Variants in TNK2 observed in about 807,000 individuals in gnomAD.
The protein encoded by TNK2 is activated CDC42 kinase 1.
TNK2 carries 83 observed loss-of-function variants against 101.8 expected under a neutral mutation model. That is an observed-to-expected ratio of 0.82 (90% confidence interval 0.68 to 0.98). The LOEUF (loss-of-function observed/expected upper bound fraction) is 0.98, where lower values mean the gene tolerates loss of function less well. TNK2 is among the 50% of genes least tolerant of loss of function. The pLI is 0.00. For synonymous variants in TNK2, 804 were observed against 633.0 expected (o/e 1.27, Z -4.06); for missense variants, 1,665 against 1,483.2 (o/e 1.12, Z -2.01).
rs1577121530 is a variant in TNK2, at chr3:195,902,169, C to T, written c.-19+6316G>A. 3.3e-5 allele frequency among the ~76,000 whole-genome samples: 5 copies of T among 152,218 alleles called. No homozygotes were observed. The East Asian group carries it at 5.8e-4, about 18-fold the overall frequency. On this transcript the variant is annotated intron_variant, in intron 1 of 15. Transcript: ENST00000672887. ...GGGCTGGTGGCAGTTGAGAGCTGAC[C>T]CAAGAAAATCACAAATCCCAGCGTG...
At chr3:195,891,844 C>T (rs543262319) in intron 1 of TNK2, 2 of 903,208 alleles carry the variant, frequency 2.2e-6, no homozygotes, top group Non-Finnish European at 2.7e-6. Flanking sequence ...CCAGAGGCCC[C>T]TCCCCTGAAG....
chr3:195,886,808 A>C lies in TNK2; in HGVS notation c.234+169T>G, dbSNP rs1337922797. Among the ~76,000 whole-genome samples, 4 of 152,172 alleles carry C rather than the reference A, an allele frequency of 2.6e-5. No homozygotes were observed. The East Asian group carries it at 7.7e-4, about 29-fold the overall frequency. ...GACAGACACTTAGCCCAGCAGCTCTACAAGTGCCCTGCCCGATAAGACCCT... is the reference window on the plus strand; with the variant it reads ...GACAGACACTTAGCCCAGCAGCTCTCCAAGTGCCCTGCCCGATAAGACCCT... On this transcript the variant is annotated intron_variant, in intron 3 of 15. Coordinates refer to ENST00000672887, the MANE Select transcript of TNK2 (RefSeq NM_001382273.1). The surrounding 1 kb of genome is among the most constrained non-coding windows in gnomAD (Gnocchi z 4.2).
intron 9 of TNK2, among the ~76,000 whole-genome samples, chr3:195,875,110 G>A (rs1357434153): frequency 3.2e-4 from 1 of 3,078 alleles, no homozygotes. Flanking sequence ...GGCACAAGAA[G>A]CTCCCCTCGG....
At chr3:195,868,953 G>A (rs374851973) in intron 12 of TNK2, 41 of 545,890 alleles carry the variant, frequency 7.5e-5, no homozygotes, top group East Asian at 4.5e-4. Flanking sequence ...GCCTCGCTCC[G>A]TCTAAGCTGC....
chr3:195,869,040 C>A (rs112907281), intron 12 of TNK2: 2 of 452,016 alleles, frequency 4.4e-6, no homozygotes, highest in African/African-American at 2.0e-5. Flanking sequence ...TGCGCCCTGG[C>A]GAGTTAGTGA....
rs775346909 is a variant in TNK2 at position 195,882,270 on chromosome 3, T to A, written c.668A>T (p.His223Leu). 6.8e-6 allele frequency: 11 copies of A among 1,613,412 alleles called. No homozygotes were observed. The highest frequency in any genetic ancestry group is 9.3e-6 in the Non-Finnish European group (11 of 1,180,002). The part of the protein sequence containing the change: ...LLDRLRKHQG[H>L]FLLGTLSRYA... ...GCGGCTCAGAGTCCCCAGGAGGAAG[T>A]GGCCCTGGTGCTTACGTAGCCGGTC... is the stretch of plus-strand genomic sequence containing the variant. Residue 223 changes from histidine (H) to leucine (L), a missense_variant, in exon 6 of 16, where the codon CAC (histidine) becomes CTC (leucine). By Grantham distance (99) the His-to-Leu change is moderately conservative. Coordinates refer to ENST00000672887, the MANE Select transcript of TNK2 (RefSeq NM_001382273.1). This position sits in a 1 kb window ranked among gnomAD's most constrained non-coding sequence, Gnocchi z 4.2.
At chr3:195,895,809 T>G in intron 1 of TNK2, 1 of 175,578 alleles carries the variant, frequency 5.7e-6, no homozygotes, top group Non-Finnish European at 1.2e-5. Context: ...TGAGACCCCC[T>G]CCTCCGAGGC....
At chr3:195,889,225 G>A (rs976993064) in intron 1 of TNK2, among the ~76,000 whole-genome samples, 7 of 152,080 alleles carry the variant, frequency 4.6e-5, no homozygotes, top group African/African-American at 7.2e-5. Flanking sequence ...TGGGGCCTGC[G>A]GTGGGCTCGC....
intron 1 of TNK2, among the ~76,000 whole-genome samples, chr3:195,898,374 T>C (rs1427772044): frequency 6.6e-6 from 1 of 152,200 alleles, no homozygotes; most frequent in Non-Finnish European, 1.5e-5. Context: ...TTTCCTCATC[T>C]GTAAAGAGGG....
intron 2 of TNK2, among the ~76,000 whole-genome samples, chr3:195,887,749 A>G (rs552907912): frequency 2.6e-4 from 39 of 150,598 alleles, no homozygotes; most frequent in African/African-American, 9.1e-4. Context: ...GTGTGTGTGC[A>G]CACGCGTGTG....
chr3:195,872,166 T>C (rs1560489566), intron 10 of TNK2, 110 bp downstream of exon 10: 10 of 1,287,878 alleles, frequency 7.8e-6, no homozygotes, highest in Non-Finnish European at 1.1e-5. Flanking sequence ...GGTCGGGGGC[T>C]GAAGCCCGGG....
chr3:195,872,206 G>C, intron 10 of TNK2, 70 bp downstream of exon 10: 2 of 1,547,392 alleles, frequency 1.3e-6, no homozygotes, highest in Non-Finnish European at 1.8e-6. Flanking sequence ...TTCCGCCCAC[G>C]CGTGCCGTGC....
intron 1 of TNK2, among the ~76,000 whole-genome samples, chr3:195,890,595 C>T (rs779171526): frequency 1.3e-5 from 2 of 151,754 alleles, no homozygotes; most frequent in Non-Finnish European, 2.9e-5. Flanking sequence ...GGATCACAGG[C>T]GCCCGGCTAA....
rs116071536 is a variant in TNK2 at position 195,869,049 on chromosome 3, G to A, written c.1589-340C>T. 4.6e-3 allele frequency: 2,134 copies of A among 466,394 alleles called. 10 individuals are homozygous for A. Among genetic ancestry groups the A allele is most frequent in the East Asian group, 0.013 (340 of 26,926 alleles). 28.9% of individuals were successfully genotyped at this position (466,394 alleles called of 1,614,324 possible). Reference sequence around the variant, plus strand: ...TGCTCCTGCGCCCTGGCGAGTTAGTGAGCCCTCATCCCCGCCCCTGTCACG... The same window carrying A: ...TGCTCCTGCGCCCTGGCGAGTTAGTAAGCCCTCATCCCCGCCCCTGTCACG... On this transcript the variant is annotated intron_variant, in intron 12 of 15. Coordinates refer to ENST00000672887, the MANE Select transcript of TNK2 (RefSeq NM_001382273.1).
intron 9 of TNK2, among the ~76,000 whole-genome samples, chr3:195,877,990 C>A (rs771513293): frequency 6.6e-6 from 1 of 152,084 alleles, no homozygotes; most frequent in Admixed American, 6.5e-5. Flanking sequence ...CACTCCCTAC[C>A]CCTCCATAAA....
At chr3:195,869,990 G>A (rs530990079) in intron 11 of TNK2, 124 bp downstream of exon 11, 19 of 750,268 alleles carry the variant, frequency 2.5e-5, no homozygotes, top group Middle Eastern at 2.5e-4. Flanking sequence ...CAGCTGTCCC[G>A]CCTGCTGCCC....
In TNK2 at chr3:195,872,375, G is replaced by A. The variant is rs1746046098; in HGVS notation, c.1352C>T (p.Ala451Val). The stretch of plus-strand genomic sequence containing the variant: ...CTGCAGGGGCTGGCTGATGTCCTGG[G>A]CCGACAGGCCGGCCACGGAGGTCAC... ...NVVTSVAGLSAQDISQPLQNS... is the reference protein window; with the variant it reads ...NVVTSVAGLSVQDISQPLQNS... The change falls in exon 10 of 16, where the codon GCC becomes GTC. Residue 451 changes from alanine (A) to valine (V), a missense_variant. Physicochemically the swap from Ala to Val is moderately conservative, Grantham distance 64 (BLOSUM62 0). Around this residue, in one of 3 missense-constraint regions of TNK2, gnomAD observed 1,136 missense variants for 894.9 expected, o/e 1.27. Coordinates refer to ENST00000672887, the MANE Select transcript of TNK2 (RefSeq NM_001382273.1). 1 of 1,613,272 alleles carries A rather than the reference G, an allele frequency of 6.2e-7. No individual in the cohort carries two copies. The highest frequency in any genetic ancestry group is 1.3e-5 in the African/African-American group (1 of 74,946).
intron 6 of TNK2, among the ~76,000 whole-genome samples, chr3:195,880,034 T>G (rs1243354343): frequency 1.3e-5 from 2 of 152,116 alleles, no homozygotes; most frequent in African/African-American, 2.4e-5. Context: ...AAGATGACCA[T>G]GCGTCCTGGA....
In TNK2 at chr3:195,867,930, G is replaced by A. The variant is rs1178464753; in HGVS notation, c.2368C>T (p.Pro790Ser). Residue 790 changes from proline (P) to serine (S), a missense_variant, in exon 13 of 16, where the codon CCT becomes TCT. This residue lies in a region of TNK2 where 1,136 missense variants were observed against 894.9 expected (regional missense o/e 1.27). Coordinates refer to ENST00000672887, the MANE Select transcript of TNK2 (RefSeq NM_001382273.1). ...GGCTCCCGCGGAGGCACCCGGGGAG[G>A]GGAAGCAGGTCCAGGCCACTGGCTG... Reference protein sequence around the residue: ...ETSQWPGPASPPRVPPREPLS... With the variant: ...ETSQWPGPASSPRVPPREPLS... 1.3e-6 allele frequency: 2 copies of A among 1,536,112 alleles called. No homozygotes were observed. Among genetic ancestry groups the A allele is most frequent in the African/African-American group, 1.4e-5 (1 of 72,050 alleles).
Sources: allele counts gnomAD v4.1 joint callset (sites outside exome capture counted in the v4.1 genomes callset), GRCh38; gene constraint gnomAD v4.1.1; regional missense constraint gnomAD v4.1.1; non-coding constraint Gnocchi (gnomAD v3.1); transcripts MANE v1.5; gene names NCBI Gene and HGNC (gene_info 2026-07-23, HGNC 2026-07-21).